The following ARFIP1 variants were observed in gnomAD, a reference collection of about 807,000 sequenced individuals.
ARFIP1 encodes the protein ARF interacting protein 1.
Under a neutral mutation model 42.5 loss-of-function variants are expected in ARFIP1, and 24 were observed. The observed-to-expected ratio is 0.57, with a 90% CI of 0.41 to 0.80. The LOEUF (loss-of-function observed/expected upper bound fraction) is 0.80, where lower values mean the gene tolerates loss of function less well. Ranked by LOEUF, ARFIP1 falls within the 30% of genes least tolerant of loss-of-function variation. The pLI, the probability that ARFIP1 is intolerant of heterozygous loss-of-function variation, is 0.00. For missense variants in ARFIP1, 354 were observed against 434.0 expected, an observed-to-expected ratio of 0.82 and a Z score of 1.64; for synonymous variants, 141 against 153.7, an observed-to-expected ratio of 0.92 and a Z score of 0.61.
At chr4:152,828,546 T>C (rs1032624001) in intron 1 of ARFIP1, among the ~76,000 whole-genome samples, 1 of 152,266 alleles carries the variant, frequency 6.6e-6, no homozygotes, top group Admixed American at 6.5e-5. Context: ...ACATCTGTTC[T>C]GATCTTTTGC....
rs1345634082 is a variant in ARFIP1, at chr4:152,815,831, G to A, written c.-9-13794G>A. On this transcript the variant is annotated intron_variant, in intron 1 of 8. Coordinates refer to ENST00000353617, the MANE Select transcript of ARFIP1 (RefSeq NM_001025595.3). ...GGGATCTCGGCTCACTGCAAGCTCC[G>A]CCTCCCGGGTTCACGCCATTCTCCT... 4.4e-5 allele frequency among the ~76,000 whole-genome samples: 6 copies of A among 136,948 alleles called. No homozygotes were observed. In the South Asian group the frequency reaches 9.6e-4, roughly 22 times the overall value. 89.8% of individuals were successfully genotyped at this position (136,948 alleles called of 152,430 possible).
intron 8 of ARFIP1, among the ~76,000 whole-genome samples, chr4:152,894,727 T>C (rs930252793): frequency 1.3e-5 from 2 of 152,212 alleles, no homozygotes; most frequent in African/African-American, 4.8e-5. Flanking sequence ...TGCCAAATAT[T>C]ATTACATACA....
chr4:152,803,266 C>T (rs1456920766), intron 1 of ARFIP1, among the ~76,000 whole-genome samples: 1 of 152,104 alleles, frequency 6.6e-6, no homozygotes, highest in Non-Finnish European at 1.5e-5. Context: ...GCTGTTCTCC[C>T]CCAGTGCAGT....
intron 1 of ARFIP1, 110 bp from the exon 2 acceptor site, chr4:152,829,515 G>A: frequency 3.3e-6 from 2 of 606,900 alleles, no homozygotes; most frequent in South Asian, 3.2e-5. Flanking sequence ...TATTTGGTAG[G>A]TTGCAATGAT....
chr4:152,891,356 T>C (rs747272019), intron 8 of ARFIP1, among the ~76,000 whole-genome samples: 1 of 152,242 alleles, frequency 6.6e-6, no homozygotes, highest in Non-Finnish European at 1.5e-5. Context: ...TTGGTCTTTG[T>C]ATATTTTTTA....
rs1561108118 is a variant in ARFIP1, at chr4:152,804,157, T to TATATATAATATAAGATGTATTATATATA, written c.-10+23944_-10+23945insGATGTATTATATATAATATATAATATAA. 1.6e-4 allele frequency among the ~76,000 whole-genome samples: 18 copies of TATATATAATATAAGATGTATTATATATA among 111,382 alleles called. 1 individual carries two copies. The highest frequency in any genetic ancestry group is 2.3e-4 in the East Asian group (1 of 4,392). 73.1% of individuals were successfully genotyped at this position (111,382 alleles called of 152,430 possible). ...ATATAATATAACATGTATTATATAT[T>TATATATAATATAAGATGTATTATATATA]ATATATAATATAACATGTATTATAT... On this transcript the variant is annotated intron_variant, in intron 1 of 8. Coordinates refer to ENST00000353617, the MANE Select transcript of ARFIP1 (RefSeq NM_001025595.3).
chr4:152,882,778 C>T lies in ARFIP1; in HGVS notation c.689C>T (p.Thr230Ile), dbSNP rs779860987. The T allele has an allele frequency of 4.3e-6, 7 of 1,613,380 alleles. No homozygotes were observed. The East Asian group carries it at 1.6e-4, about 36-fold the overall frequency. The change falls in exon 7 of 9, where the codon ACT (threonine) becomes ATT (isoleucine). Residue 230 changes from threonine to isoleucine, a missense_variant. By Grantham distance (89) the Thr-to-Ile change is moderately conservative. Coordinates refer to ENST00000353617, the MANE Select transcript of ARFIP1 (RefSeq NM_001025595.3). ...TQKLLAKNGE[T>I]LLGAINFFIA... ...AAACTGCTGGCTAAAAATGGAGAGA[C>T]TCTTCTTGGGGCCATTAATTTTTTC...
chr4:152,829,177 T>A, intron 1 of ARFIP1, among the ~76,000 whole-genome samples: 1 of 152,222 alleles, frequency 6.6e-6, no homozygotes, highest in Admixed American at 6.5e-5. Context: ...ATAACACTTG[T>A]CAACTAAAGT....
intron 8 of ARFIP1, among the ~76,000 whole-genome samples, chr4:152,903,823 C>G (rs1337794053): frequency 6.6e-6 from 1 of 151,958 alleles, no homozygotes; most frequent in African/African-American, 2.4e-5. Context: ...GGAGCTGTCT[C>G]TGTGTTTAGT....
chr4:152,884,366 T>A (rs1386590471), intron 7 of ARFIP1, among the ~76,000 whole-genome samples: 1 of 152,000 alleles, frequency 6.6e-6, no homozygotes, highest in Non-Finnish European at 1.5e-5. Context: ...TAAAATTCAT[T>A]TATATAAGTT....
chr4:152,803,325 G>A (rs1442352337), intron 1 of ARFIP1, among the ~76,000 whole-genome samples: 1 of 152,182 alleles, frequency 6.6e-6, no homozygotes, highest in African/African-American at 2.4e-5. Flanking sequence ...CATAGGGCCT[G>A]CCAATCTAAG....
intron 3 of ARFIP1, among the ~76,000 whole-genome samples, chr4:152,869,425 G>T (rs1221976750): frequency 6.6e-6 from 1 of 151,548 alleles, no homozygotes; most frequent in East Asian, 1.9e-4. Context: ...CAACAATGTT[G>T]GGTAGTCAGT....
intron 8 of ARFIP1, among the ~76,000 whole-genome samples, chr4:152,903,722 C>T (rs1219027426): frequency 6.6e-6 from 1 of 151,864 alleles, no homozygotes; most frequent in Admixed American, 6.6e-5. Flanking sequence ...GATTAAGTTG[C>T]ATTGTGGGGT....
At chr4:152,862,449 TAAA>T (rs79175273) in intron 2 of ARFIP1, among the ~76,000 whole-genome samples, 1 of 144,100 alleles carries the variant, frequency 6.9e-6, no homozygotes, top group Non-Finnish European at 1.5e-5. Context: ...GTCCTAGGTT[TAAA>T]AAAAAAAAAA....
At chr4:152,804,890 A>G (rs1728882100) in intron 1 of ARFIP1, among the ~76,000 whole-genome samples, 1 of 152,168 alleles carries the variant, frequency 6.6e-6, no homozygotes, top group African/African-American at 2.4e-5. Flanking sequence ...AAGTGGATAC[A>G]TTATTTAAAT....
chr4:152,793,465 C>T (rs970962122), intron 1 of ARFIP1, among the ~76,000 whole-genome samples: 3 of 151,676 alleles, frequency 2.0e-5, no homozygotes, highest in African/African-American at 7.3e-5. Context: ...CAGTGGTCTT[C>T]CCATAGTCTT....
chr4:152,837,493 G>A (rs561503290), intron 2 of ARFIP1, among the ~76,000 whole-genome samples: 25 of 152,064 alleles, frequency 1.6e-4, no homozygotes, highest in African/African-American at 1.4e-4. Context: ...GTGATATTGC[G>A]TTGTGGTTTT....
At chr4:152,907,417 C>T (rs1482907509) in intron 8 of ARFIP1, among the ~76,000 whole-genome samples, 1 of 152,082 alleles carries the variant, frequency 6.6e-6, no homozygotes, top group East Asian at 1.9e-4. Flanking sequence ...AAAAAAGCAG[C>T]CATGTTCCCA....
At chr4:152,902,925 C>G (rs1279984594) in intron 8 of ARFIP1, among the ~76,000 whole-genome samples, 1 of 152,144 alleles carries the variant, frequency 6.6e-6, no homozygotes, top group African/African-American at 2.4e-5. Context: ...GCCAAATAAA[C>G]TGAAATAATA....
Sources: gnomAD v4.1 joint callset for allele counts (sites outside exome capture counted in the v4.1 genomes callset) on GRCh38, gnomAD v4.1.1 for gene constraint, MANE v1.5 for transcripts, NCBI Gene and HGNC (gene_info 2026-07-23, HGNC 2026-07-21) for gene names.